CACNB2: variants seen among roughly 807,000 people sequenced by gnomAD.
CACNB2 encodes voltage-dependent L-type calcium channel subunit beta-2.
CACNB2 carries 42 observed loss-of-function variants against 73.3 expected under a neutral mutation model. The observed-to-expected ratio is 0.57, with a 90% CI of 0.45 to 0.74. The LOEUF (loss-of-function observed/expected upper bound fraction) is 0.74. CACNB2 is among the 30% of genes least tolerant of loss of function. CACNB2 has a pLI of 0.00. For synonymous variants in CACNB2, 348 were observed against 310.3 expected, an observed-to-expected ratio of 1.12 and a Z score of -1.28; for missense variants, 940 against 853.0, an observed-to-expected ratio of 1.10 and a Z score of -1.27.
chr10:18,386,946 A>G (rs1342448124), intron 2 of CACNB2, among the ~76,000 whole-genome samples: 2 of 152,236 alleles, frequency 1.3e-5, no homozygotes, highest in African/African-American at 4.8e-5. Context: ...GTATTCATCC[A>G]GAAGAAATTA....
chr10:18,197,798 C>A (rs376621742), intron 2 of CACNB2, among the ~76,000 whole-genome samples: 1 of 151,800 alleles, frequency 6.6e-6, no homozygotes, highest in African/African-American at 2.4e-5. Context: ...TCTCCTGGGG[C>A]GTGAGGCCTC....
chr10:18,361,804 G>A (rs1280097430), intron 2 of CACNB2, among the ~76,000 whole-genome samples: 7 of 151,654 alleles, frequency 4.6e-5, no homozygotes. Flanking sequence ...GTAGAGATGG[G>A]GTTTCACTAC....
At chr10:18,496,164 C>T (rs947102076) in intron 3 of CACNB2, among the ~76,000 whole-genome samples, 2 of 125,280 alleles carry the variant, frequency 1.6e-5, no homozygotes, top group African/African-American at 6.5e-5. Context: ...CCAGCCTGGG[C>T]ATCACAGTGA....
chr10:18,291,768 G>A (rs188850572), intron 2 of CACNB2, among the ~76,000 whole-genome samples: 1 of 152,260 alleles, frequency 6.6e-6, no homozygotes, highest in African/African-American at 2.4e-5. Context: ...GTAAGTAGAT[G>A]TTGATTTTAT....
At chr10:18,497,252 A>C (rs1372896259) in intron 3 of CACNB2, among the ~76,000 whole-genome samples, 3 of 151,822 alleles carry the variant, frequency 2.0e-5, no homozygotes, top group Non-Finnish European at 4.4e-5. Flanking sequence ...AAAGAAAGAA[A>C]TATATAGAAG....
chr10:18,250,533 C>CT (rs368248510), intron 2 of CACNB2, among the ~76,000 whole-genome samples: 2,953 of 145,746 alleles, frequency 0.02, 35 homozygotes, highest in Middle Eastern at 0.039. Flanking sequence ...TTATCTCTCT[C>CT]TTTTTTTTTT....
intron 2 of CACNB2, among the ~76,000 whole-genome samples, chr10:18,189,539 A>G (rs2034303128): frequency 6.6e-6 from 1 of 152,160 alleles, no homozygotes; most frequent in Admixed American, 6.6e-5. Context: ...ATTTTGTTCA[A>G]CAGAATTTTT....
intron 2 of CACNB2, among the ~76,000 whole-genome samples, chr10:18,225,287 G>C (rs1009332704): frequency 6.6e-6 from 1 of 152,082 alleles, no homozygotes; most frequent in Non-Finnish European, 1.5e-5. Flanking sequence ...GGGCTAAGCA[G>C]CTTAAAAACC....
chr10:18,141,187 AG>A, intron 1 of CACNB2: 1 of 1,235,482 alleles, frequency 8.1e-7, no homozygotes, highest in Non-Finnish European at 1.1e-6. Context: ...GACATGAATC[AG>A]GGGAGTGGAC....
At chr10:18,398,592 G>A (rs892436498) in intron 2 of CACNB2, among the ~76,000 whole-genome samples, 5 of 151,736 alleles carry the variant, frequency 3.3e-5, no homozygotes, top group Non-Finnish European at 5.9e-5. Flanking sequence ...GATCACTTTC[G>A]CCCAGGAGGT....
intron 2 of CACNB2, among the ~76,000 whole-genome samples, chr10:18,209,700 C>T (rs772692307): frequency 2.0e-5 from 3 of 151,788 alleles, no homozygotes; most frequent in African/African-American, 4.8e-5. Context: ...TAAGTAGTGC[C>T]GACAAATTTG....
chr10:18,263,436 TACTGGA>T (rs1458444287), intron 2 of CACNB2, among the ~76,000 whole-genome samples: 1 of 152,220 alleles, frequency 6.6e-6, no homozygotes, highest in Non-Finnish European at 1.5e-5. Flanking sequence ...ATTCTGGTAA[TACTGGA>T]ACTAAATGTC....
At chr10:18,316,146 C>T (rs1696314096) in intron 2 of CACNB2, among the ~76,000 whole-genome samples, 1 of 151,894 alleles carries the variant, frequency 6.6e-6, no homozygotes, top group African/African-American at 2.4e-5. Context: ...GTGTAATTTA[C>T]ATTTACATTT....
intron 2 of CACNB2, among the ~76,000 whole-genome samples, chr10:18,291,066 A>T (rs1268078535): frequency 6.6e-6 from 1 of 152,234 alleles, no homozygotes; most frequent in African/African-American, 2.4e-5. Context: ...CATCAACAAC[A>T]GGTGCGCAGT....
At chr10:18,402,800 A>G (rs1439867351) in intron 3 of CACNB2, among the ~76,000 whole-genome samples, 1 of 152,200 alleles carries the variant, frequency 6.6e-6, no homozygotes, top group Non-Finnish European at 1.5e-5. Context: ...ATACTCAGTC[A>G]CTTCTCAATG....
chr10:18,333,012 C>G (rs983178017), intron 2 of CACNB2, among the ~76,000 whole-genome samples: 7 of 152,088 alleles, frequency 4.6e-5, no homozygotes, highest in African/African-American at 1.7e-4. Flanking sequence ...AAAAAAGCCA[C>G]CAAAATACCC....
chr10:18,147,288 T>TA (rs961410725), intron 1 of CACNB2, among the ~76,000 whole-genome samples: 27 of 152,354 alleles, frequency 1.8e-4, no homozygotes, highest in African/African-American at 6.3e-4. Flanking sequence ...AATAAGTCAT[T>TA]AATATATTTT....
intron 3 of CACNB2, among the ~76,000 whole-genome samples, chr10:18,486,419 A>G (rs2049062639): frequency 6.6e-6 from 1 of 152,214 alleles, no homozygotes; most frequent in Admixed American, 6.5e-5. Flanking sequence ...GGTGCTTAGC[A>G]GCCTTAGGCC....
intron 2 of CACNB2, among the ~76,000 whole-genome samples, chr10:18,353,045 A>G (rs1321317882): frequency 6.6e-6 from 1 of 152,242 alleles, no homozygotes; most frequent in Non-Finnish European, 1.5e-5. Context: ...TATTAGAGAA[A>G]TATGATTGCT....
Sources: gnomAD v4.1 joint callset for allele counts (sites outside exome capture counted in the v4.1 genomes callset) on GRCh38, gnomAD v4.1.1 for gene constraint, MANE v1.5 for transcripts, NCBI Gene and HGNC (gene_info 2026-07-23, HGNC 2026-07-21) for gene names.